The following FOCAD variants were observed in gnomAD, a reference collection of about 807,000 sequenced individuals.
FOCAD encodes the protein KIAA1797.
A neutral mutation model predicts 225.6 loss-of-function variants in FOCAD; 198 were observed. The ratio of observed to expected loss-of-function variants is 0.88; its 90% confidence interval spans 0.78 to 0.99. FOCAD has a LOEUF of 0.99. FOCAD is among the 50% of genes least tolerant of loss of function. The probability of loss-of-function intolerance (pLI) is 0.00; values close to 1 mark genes in which losing one functional copy is unlikely to be tolerated. For synonymous variants in FOCAD, 897 were observed against 755.0 expected, an observed-to-expected ratio of 1.19 and a Z score of -3.08; for missense variants, 2,713 against 2,123.6, an observed-to-expected ratio of 1.28 and a Z score of -5.46.
chr9:20,892,414 TG>T (rs1831692919), intron 21 of FOCAD, among the ~76,000 whole-genome samples: 1 of 152,108 alleles, frequency 6.6e-6, no homozygotes, highest in Non-Finnish European at 1.5e-5. Context: ...AGAACATCCG[TG>T]ATTTATATGA....
At chr9:20,986,997 A>G (rs765259415) in intron 40 of FOCAD, among the ~76,000 whole-genome samples, 1 of 152,172 alleles carries the variant, frequency 6.6e-6, no homozygotes, top group African/African-American at 2.4e-5. Flanking sequence ...TTATGCTTTA[A>G]TAATTACTGA....
At chr9:20,841,767 T>A (rs985533714) in intron 15 of FOCAD, among the ~76,000 whole-genome samples, 1 of 151,820 alleles carries the variant, frequency 6.6e-6, no homozygotes, top group Non-Finnish European at 1.5e-5. Context: ...TCCCCTTTCA[T>A]CTTTGTTATT....
chr9:20,878,550 C>A (rs1054614001), intron 19 of FOCAD, among the ~76,000 whole-genome samples: 11 of 152,174 alleles, frequency 7.2e-5, no homozygotes, highest in African/African-American at 2.7e-4. Flanking sequence ...AGAACAATTT[C>A]GCATATCTCT....
At chr9:20,739,291 A>G (rs1191463232) in intron 4 of FOCAD, among the ~76,000 whole-genome samples, 2 of 152,238 alleles carry the variant, frequency 1.3e-5, no homozygotes, top group South Asian at 4.1e-4. Context: ...AATAAATGTT[A>G]ACAAGCATAA....
At chr9:20,731,716 C>G (rs1020161588) in intron 4 of FOCAD, among the ~76,000 whole-genome samples, 2 of 152,106 alleles carry the variant, frequency 1.3e-5, no homozygotes, top group Admixed American at 6.6e-5. Context: ...CTCCCGGGTT[C>G]AAGCGATTCT....
At chr9:20,871,829 A>T (rs1469324518) in intron 18 of FOCAD, among the ~76,000 whole-genome samples, 1 of 150,260 alleles carries the variant, frequency 6.7e-6, no homozygotes, top group Non-Finnish European at 1.5e-5. Context: ...TAATGGGTGC[A>T]GCACACCAGC....
At chr9:20,716,019 C>G (rs1192506229) in intron 2 of FOCAD, 1 of 345,054 alleles carries the variant, frequency 2.9e-6, no homozygotes, top group Non-Finnish European at 7.0e-6. Flanking sequence ...AGCTAACAGA[C>G]CAGCAGAAGC....
intron 30 of FOCAD, 137 bp downstream of exon 30, chr9:20,946,957 T>A (rs1837242760): frequency 9.4e-7 from 1 of 1,065,204 alleles, no homozygotes; most frequent in South Asian, 1.7e-5. Context: ...CTATTCTCTT[T>A]TCTCACAGCT....
chr9:20,746,920 A>G (rs1160688285), intron 5 of FOCAD, among the ~76,000 whole-genome samples: 1 of 152,168 alleles, frequency 6.6e-6, no homozygotes, highest in African/African-American at 2.4e-5. Context: ...TGAATTCCAT[A>G]TAAATGACGC....
intron 15 of FOCAD, among the ~76,000 whole-genome samples, chr9:20,852,648 A>G (rs1308291380): frequency 6.6e-6 from 1 of 151,838 alleles, no homozygotes; most frequent in Non-Finnish European, 1.5e-5. Flanking sequence ...GTTTTTCTCT[A>G]AAGTGGTCTT....
At chr9:20,863,666 G>T (rs986159820) in intron 16 of FOCAD, 1 of 152,132 alleles carries the variant, frequency 6.6e-6, no homozygotes, top group Non-Finnish European at 1.5e-5. Context: ...TGAGTATACA[G>T]TTCACCAACA....
At chr9:20,721,158 C>T (rs920389493) in intron 4 of FOCAD, among the ~76,000 whole-genome samples, 1 of 152,156 alleles carries the variant, frequency 6.6e-6, no homozygotes, top group African/African-American at 2.4e-5. Flanking sequence ...TTATAAAATA[C>T]TCCCTGAAAA....
intron 38 of FOCAD, 102 bp from the exon 39 acceptor site, chr9:20,982,255 A>C: frequency 1.4e-6 from 1 of 724,618 alleles, no homozygotes; most frequent in Non-Finnish European, 2.2e-6. Flanking sequence ...AAATCTCATC[A>C]GCTGCTGTTC....
Position 20,789,474 on chromosome 9 carries a change from T to C in FOCAD, c.1321T>C (p.Leu441=), listed in dbSNP as rs1305238596. The part of the protein sequence containing the change: ...ASDWLASVES[L]LPITAVIPAP... ...TGACTGGTTGGCTTCAGTAGAGTCA[T>C]TGCTTCCTATTACTGCTGTGATCCC... The change falls in exon 11 of 44, where the codon TTG becomes CTG. Residue 441 remains leucine, a synonymous_variant. Coordinates refer to ENST00000338382, the MANE Select transcript of FOCAD (RefSeq NM_001375567.1). 4 of 1,614,008 alleles carry C rather than the reference T, an allele frequency of 2.5e-6. No individual in the cohort carries two copies. Among genetic ancestry groups the C allele is most frequent in the Admixed American group, 1.7e-5 (1 of 59,956 alleles).
chr9:20,863,353 C>T (rs2131703402), intron 16 of FOCAD: 1 of 151,626 alleles, frequency 6.6e-6, no homozygotes, highest in African/African-American at 2.4e-5. Context: ...TGATTTAGTC[C>T]TTCACAGACT....
At chr9:20,743,326 C>T (rs1172291128) in intron 5 of FOCAD, among the ~76,000 whole-genome samples, 1 of 152,164 alleles carries the variant, frequency 6.6e-6, no homozygotes, top group Non-Finnish European at 1.5e-5. Context: ...TGCAGCTAAT[C>T]TGTGTTTTTA....
intron 6 of FOCAD, among the ~76,000 whole-genome samples, chr9:20,762,001 A>T (rs991666404): frequency 1.3e-5 from 2 of 152,234 alleles, no homozygotes; most frequent in African/African-American, 4.8e-5. Context: ...ATTTTTAAAT[A>T]GTATATTGTC....
Position 20,926,393 on chromosome 9 carries a change from G to A in FOCAD, c.3054G>A (p.Gly1018=). The A allele has an allele frequency of 1.2e-6, 2 of 1,608,936 alleles. No homozygotes were observed. The highest frequency in any genetic ancestry group is 1.7e-6 in the Non-Finnish European group (2 of 1,175,402). Residue 1018 remains glycine (G), a synonymous_variant, in exon 26 of 44, where the codon GGG becomes GGA. Coordinates refer to ENST00000338382, the MANE Select transcript of FOCAD (RefSeq NM_001375567.1). ...VIVDSHYQPR[G]QLLSWFYYKS... ...TGGATAGCCATTACCAACCCAGAGG[G>A]CAACTTCTCTCCTGGTTTTATTATG...
chr9:20,697,255 C>T (rs1234997386), intron 1 of FOCAD, among the ~76,000 whole-genome samples: 2 of 152,056 alleles, frequency 1.3e-5, no homozygotes, highest in East Asian at 1.9e-4. Flanking sequence ...CTAACTGGTC[C>T]GTCTCTTTTT....
Sources: allele counts gnomAD v4.1 joint callset (sites outside exome capture counted in the v4.1 genomes callset), GRCh38; gene constraint gnomAD v4.1.1; transcripts MANE v1.5; gene names NCBI Gene and HGNC (gene_info 2026-07-23, HGNC 2026-07-21).